FRMD4A: variants seen among roughly 807,000 people sequenced by gnomAD.
FRMD4A encodes FERM domain containing 4A, also known as FERM domain-containing protein 4A.
In FRMD4A, 29 loss-of-function variants were observed where a neutral mutation model predicts 129.1. The observed-to-expected ratio is 0.22, with a 90% CI of 0.17 to 0.31. The LOEUF (loss-of-function observed/expected upper bound fraction) is 0.31. FRMD4A is among the 10% of genes least tolerant of loss of function. FRMD4A has a pLI of 1.00. For synonymous variants in FRMD4A, 634 were observed against 571.6 expected (o/e 1.11, Z -1.56); for missense variants, 1,272 against 1,375.8 (o/e 0.92, Z 1.19).
intron 2 of FRMD4A, among the ~76,000 whole-genome samples, chr10:14,115,881 A>T (rs1166163969): frequency 6.6e-6 from 1 of 152,206 alleles, no homozygotes; most frequent in African/African-American, 2.4e-5. Flanking sequence ...TAGCAATGCA[A>T]ATGGACTAAG....
chr10:14,047,750 T>C (rs1019527921), intron 2 of FRMD4A, among the ~76,000 whole-genome samples: 6 of 152,186 alleles, frequency 3.9e-5, no homozygotes, highest in Non-Finnish European at 8.8e-5. Context: ...CCAGGAAGTA[T>C]GGGAGAATGG....
intron 2 of FRMD4A, among the ~76,000 whole-genome samples, chr10:14,137,955 G>A (rs1248331588): frequency 6.6e-6 from 1 of 152,102 alleles, no homozygotes; most frequent in Non-Finnish European, 1.5e-5. Context: ...GAACAGAGCT[G>A]CTCTGCAATC....
rs184459978 is a variant in FRMD4A, at chr10:13,767,771, A to T, written c.385-5091T>A. Among the ~76,000 whole-genome samples, 7 of 152,226 alleles carry T rather than the reference A, an allele frequency of 4.6e-5. No homozygotes were observed. In the East Asian group the frequency reaches 1.4e-3, roughly 29 times the overall value. The stretch of plus-strand genomic sequence containing the variant: ...TGAGGTGTAACATTCCTCTGCGCTT[A>T]TGCAATCCACAGCTCTGCGGTGAAG... On this transcript the variant is annotated intron_variant, in intron 6 of 24. Coordinates refer to ENST00000357447, the MANE Select transcript of FRMD4A (RefSeq NM_018027.5).
At chr10:13,729,846 AG>A (rs971437840) in intron 12 of FRMD4A, among the ~76,000 whole-genome samples, 2 of 152,168 alleles carry the variant, frequency 1.3e-5, no homozygotes, top group African/African-American at 2.4e-5. Context: ...ATTTCTTCCC[AG>A]GGGGGAGATT....
At chr10:13,963,990 T>G (rs2095465436) in intron 2 of FRMD4A, among the ~76,000 whole-genome samples, 1 of 147,368 alleles carries the variant, frequency 6.8e-6, no homozygotes. Context: ...CCACTGATCA[T>G]TATAAAACCA....
At chr10:13,823,763 G>A (rs538685156) in intron 3 of FRMD4A, among the ~76,000 whole-genome samples, 1 of 152,092 alleles carries the variant, frequency 6.6e-6, no homozygotes, top group African/African-American at 2.4e-5. Context: ...CCTTTCCACG[G>A]GGCCAAATGA....
At chr10:14,026,742 G>C (rs1172356644) in intron 2 of FRMD4A, among the ~76,000 whole-genome samples, 2 of 152,178 alleles carry the variant, frequency 1.3e-5, no homozygotes, top group Non-Finnish European at 2.9e-5. Context: ...CCACATAGTT[G>C]CCATCTTTTG....
At chr10:13,925,532 C>T (rs919264644) in intron 2 of FRMD4A, among the ~76,000 whole-genome samples, 1 of 136,408 alleles carries the variant, frequency 7.3e-6, no homozygotes, top group Non-Finnish European at 1.5e-5. Flanking sequence ...GTAACAATAT[C>T]GGGCCCAGTG....
intron 2 of FRMD4A, among the ~76,000 whole-genome samples, chr10:14,101,462 A>G (rs1425263494): frequency 6.6e-6 from 1 of 152,226 alleles, no homozygotes; most frequent in African/African-American, 2.4e-5. Flanking sequence ...CTGAAATTCC[A>G]CGGACATTCA....
intron 3 of FRMD4A, among the ~76,000 whole-genome samples, chr10:13,832,980 T>C (rs1358720432): frequency 6.6e-6 from 1 of 152,184 alleles, no homozygotes; most frequent in African/African-American, 2.4e-5. Context: ...GGGAAATGCA[T>C]ATTTGCGATG....
intron 4 of FRMD4A, among the ~76,000 whole-genome samples, chr10:13,798,390 C>T (rs533484522): frequency 3.3e-5 from 5 of 150,478 alleles, no homozygotes; most frequent in South Asian, 2.1e-4. Flanking sequence ...CTAGCCTAGG[C>T]GACAGAGACT....
At chr10:14,275,221 T>C (rs115910028) in intron 2 of FRMD4A, among the ~76,000 whole-genome samples, 117 of 152,310 alleles carry the variant, frequency 7.7e-4, no homozygotes, top group African/African-American at 2.8e-3. Context: ...CCAGGACTTA[T>C]AGTCAAGTCA....
At chr10:13,727,722 C>A (rs35567671) in intron 12 of FRMD4A, 40,412 of 151,920 alleles carry the variant, frequency 0.27, 6,161 homozygotes, top group Non-Finnish European at 0.35. Context: ...TCTGAGAGAC[C>A]CCTCCTGACC....
At chr10:14,302,647 G>A (rs1846222980) in intron 2 of FRMD4A, among the ~76,000 whole-genome samples, 1 of 152,210 alleles carries the variant, frequency 6.6e-6, no homozygotes, top group Non-Finnish European at 1.5e-5. Context: ...ATAGAGAATG[G>A]TAGGCTGAAG....
chr10:13,935,616 T>C (rs183054774), intron 2 of FRMD4A, among the ~76,000 whole-genome samples: 3 of 152,266 alleles, frequency 2.0e-5, no homozygotes, highest in East Asian at 3.9e-4. Context: ...TCATCTCTGA[T>C]ATTTATTTTT....
intron 6 of FRMD4A, among the ~76,000 whole-genome samples, chr10:13,763,876 C>T (rs993611749): frequency 1.3e-5 from 2 of 152,030 alleles, no homozygotes; most frequent in Non-Finnish European, 2.9e-5. Flanking sequence ...GCTGGGACTA[C>T]AGGCATACAC....
chr10:13,828,972 C>A (rs1000601304), intron 3 of FRMD4A, among the ~76,000 whole-genome samples: 1 of 152,150 alleles, frequency 6.6e-6, no homozygotes, highest in Non-Finnish European at 1.5e-5. Flanking sequence ...TGAGTAGATA[C>A]CCAGTAATGG....
At chr10:14,304,680 T>A (rs1177926166) in intron 2 of FRMD4A, among the ~76,000 whole-genome samples, 2 of 152,194 alleles carry the variant, frequency 1.3e-5, no homozygotes, top group Non-Finnish European at 2.9e-5. Flanking sequence ...CCAGATCTCC[T>A]CCTCAATCAT....
chr10:13,859,686 C>A (rs996621137), intron 2 of FRMD4A, among the ~76,000 whole-genome samples: 1 of 152,138 alleles, frequency 6.6e-6, no homozygotes, highest in Non-Finnish European at 1.5e-5. Context: ...AAGCAGATGA[C>A]CACCCACCTG....
Sources: gnomAD v4.1 joint callset for allele counts (sites outside exome capture counted in the v4.1 genomes callset) on GRCh38, gnomAD v4.1.1 for gene constraint, MANE v1.5 for transcripts, NCBI Gene and HGNC (gene_info 2026-07-23, HGNC 2026-07-21) for gene names.